The following ACCSL variants were observed in gnomAD, a reference collection of about 807,000 sequenced individuals.
ACCSL encodes 1-aminocyclopropane-1-carboxylate synthase homolog (inactive) like, also known as probable inactive 1-aminocyclopropane-1-carboxylate synthase-like protein 2.
Under a neutral mutation model 61.7 loss-of-function variants are expected in ACCSL, and 55 were observed. That is an observed-to-expected ratio of 0.89 (90% CI 0.72 to 1.12). The LOEUF is 1.12. Among genes scored for constraint, ACCSL ranks in the 50% most tolerant of loss-of-function variants. The probability of loss-of-function intolerance (pLI) is 0.00; values close to 1 mark genes in which losing one functional copy is unlikely to be tolerated. For missense variants in ACCSL, 632 were observed against 698.0 expected (o/e 0.91, Z 1.07); for synonymous variants, 258 against 264.3 (o/e 0.98, Z 0.23).
chr11:43,955,029 G>A, the ACCSL span, among the ~76,000 whole-genome samples: 1 of 152,288 alleles, frequency 6.6e-6, no homozygotes, highest in South Asian at 2.1e-4. Flanking sequence ...ATGATTTTGG[G>A]GGCTGCTTTT....
At chr11:43,982,138 G>T in the ACCSL span, among the ~76,000 whole-genome samples, 11 of 151,906 alleles carry the variant, frequency 7.2e-5, no homozygotes, top group Non-Finnish European at 7.4e-5. Flanking sequence ...AGGTGGCCGC[G>T]GCTCAGCTGG....
the ACCSL span, among the ~76,000 whole-genome samples, chr11:44,006,115 C>A: frequency 1.4e-4 from 21 of 152,334 alleles, no homozygotes; most frequent in African/African-American, 4.8e-4. Flanking sequence ...AGAACTGGAC[C>A]AGTCTGAAAG....
chr11:43,994,534 G>A, the ACCSL span, among the ~76,000 whole-genome samples: 21 of 151,186 alleles, frequency 1.4e-4, no homozygotes, highest in Admixed American at 3.3e-4. Flanking sequence ...GTGTGTGTCT[G>A]TGTGTGTTGT....
At chr11:44,047,273 G>T (rs760013660), upstream of ACCSL, among the ~76,000 whole-genome samples, 2 of 152,156 alleles carry the variant, frequency 1.3e-5, no homozygotes, top group Non-Finnish European at 2.9e-5. Context: ...GAAGGCATTT[G>T]CAGGAAGCCA....
the ACCSL span, among the ~76,000 whole-genome samples, chr11:44,012,076 A>C: frequency 2.0e-5 from 3 of 151,994 alleles, no homozygotes; most frequent in African/African-American, 7.3e-5. Flanking sequence ...CGTCCTGCCA[A>C]AGTCTTCTCC....
At chr11:43,943,110 AG>A in the ACCSL span, 6 of 1,498,448 alleles carry the variant, frequency 4.0e-6, no homozygotes, top group Middle Eastern at 1.7e-4. This position sits in a 1 kb window ranked among gnomAD's most constrained non-coding sequence, Gnocchi z 4.8. Context: ...GTGGAGGAGG[AG>A]GGGGTGTCCC....
upstream of ACCSL, among the ~76,000 whole-genome samples, chr11:44,044,152 A>G (rs1952587422): frequency 6.6e-6 from 1 of 152,142 alleles, no homozygotes; most frequent in Non-Finnish European, 1.5e-5. Flanking sequence ...ATTTAACCCA[A>G]TCTCAGAACT....
the ACCSL span, among the ~76,000 whole-genome samples, chr11:43,987,111 A>AGT: frequency 0.14 from 21,126 of 152,194 alleles, 1,564 homozygotes; most frequent in Non-Finnish European, 0.17. Flanking sequence ...AAGAAGAACA[A>AGT]GCAATGGATC....
chr11:43,933,612 T>G, the ACCSL span, among the ~76,000 whole-genome samples: 2 of 152,128 alleles, frequency 1.3e-5, no homozygotes, highest in Non-Finnish European at 2.9e-5. Flanking sequence ...AGAGGAACAC[T>G]CAGGCCTGCA....
In ACCSL at chr11:44,050,198, G is replaced by C. The variant is rs564618022; in HGVS notation, c.564+77G>C. On this transcript the variant is annotated intron_variant, in intron 2 of 13. Coordinates refer to ENST00000378832, the MANE Select transcript of ACCSL (RefSeq NM_001031854.2). ...CCTAGCGTGCTCCTGAGCTATGGTA[G>C]ATACAGGGGTGAGACATAGGAGCCT... 9.8e-6 allele frequency: 12 copies of C among 1,223,306 alleles called. No individual in the cohort carries two copies. The South Asian group carries it at 1.4e-4, about 15-fold the overall frequency. The allele number at this position is 1,223,306 out of a possible 1,614,324, so 75.8% of individuals were successfully genotyped here.
At chr11:44,012,230 C>A in the ACCSL span, among the ~76,000 whole-genome samples, 1 of 151,910 alleles carries the variant, frequency 6.6e-6, no homozygotes, top group Non-Finnish European at 1.5e-5. Flanking sequence ...CTGATGCTGG[C>A]TAGGTATGGA....
chr11:43,970,438 A>G, the ACCSL span, among the ~76,000 whole-genome samples: 1 of 152,126 alleles, frequency 6.6e-6, no homozygotes, highest in Non-Finnish European at 1.5e-5. Flanking sequence ...TCCCAGACTC[A>G]AGTGATCTGC....
chr11:43,924,114 GTAAC>G, the ACCSL span, among the ~76,000 whole-genome samples: 1 of 152,226 alleles, frequency 6.6e-6, no homozygotes, highest in Non-Finnish European at 1.5e-5. Context: ...AGCTTACAGA[GTAAC>G]TACTCCCTTG....
chr11:44,041,383 A>C, the ACCSL span, among the ~76,000 whole-genome samples: 1 of 152,166 alleles, frequency 6.6e-6, no homozygotes, highest in African/African-American at 2.4e-5. Flanking sequence ...TTTCTTCCAG[A>C]TTACTAATTT....
chr11:43,989,907 G>A, the ACCSL span, among the ~76,000 whole-genome samples: 2 of 152,268 alleles, frequency 1.3e-5, no homozygotes, highest in Non-Finnish European at 2.9e-5. Flanking sequence ...GCCCCGCCAA[G>A]AGGTCAGGCA....
At chr11:43,973,456 AT>A in the ACCSL span, among the ~76,000 whole-genome samples, 1 of 120,222 alleles carries the variant, frequency 8.3e-6, no homozygotes, top group Non-Finnish European at 1.8e-5. Flanking sequence ...CTATCTATCT[AT>A]CTATCTCCTG....
chr11:44,022,750 G>A, the ACCSL span, among the ~76,000 whole-genome samples: 4 of 152,246 alleles, frequency 2.6e-5, no homozygotes, highest in East Asian at 5.8e-4. Context: ...CAAGTATTTT[G>A]TTGAGGATTT....
At chr11:43,922,890 G>T in the ACCSL span, among the ~76,000 whole-genome samples, 1 of 152,132 alleles carries the variant, frequency 6.6e-6, no homozygotes, top group African/African-American at 2.4e-5. Context: ...TTTATAACAG[G>T]CAACTTGCTT....
At chr11:43,995,524 T>C in the ACCSL span, 1 of 152,244 alleles carries the variant, frequency 6.6e-6, no homozygotes, top group Non-Finnish European at 1.5e-5. Context: ...AATGTAGATA[T>C]TCCACCAAGG....
Sources: gnomAD v4.1 joint callset for allele counts (sites outside exome capture counted in the v4.1 genomes callset) on GRCh38, gnomAD v4.1.1 for gene constraint, Gnocchi (gnomAD v3.1) non-coding constraint, MANE v1.5 for transcripts, NCBI Gene and HGNC (gene_info 2026-07-23, HGNC 2026-07-21) for gene names.